PDE5A: variants seen among roughly 807,000 people sequenced by gnomAD.
PDE5A encodes the protein phosphodiesterase 5A.
PDE5A carries 67 observed loss-of-function variants against 110.2 expected under a neutral mutation model. The observed-to-expected ratio is 0.61, with a 90% CI of 0.50 to 0.75. The LOEUF (loss-of-function observed/expected upper bound fraction) is 0.75, where lower values mean the gene tolerates loss of function less well. PDE5A is among the 30% of genes least tolerant of loss of function. The pLI is 0.00. For synonymous variants in PDE5A, 328 were observed against 351.2 expected (o/e 0.93, Z 0.74); for missense variants, 862 against 1,045.1 (o/e 0.82, Z 2.42).
chr4:119,574,178 G>GATT (rs1352093191), intron 3 of PDE5A, among the ~76,000 whole-genome samples: 1 of 68,904 alleles, frequency 1.5e-5, no homozygotes, highest in African/African-American at 5.1e-5. Flanking sequence ...CAAAATATAG[G>GATT]CTTTTTTTTT....
At chr4:119,500,991 T>G (rs755712342) in intron 20 of PDE5A, 179 bp downstream of exon 20, 1 of 572,388 alleles carries the variant, frequency 1.7e-6, no homozygotes, top group Non-Finnish European at 3.1e-6. Flanking sequence ...TCAATAGATA[T>G]TAGTATGTGT....
intron 4 of PDE5A, among the ~76,000 whole-genome samples, chr4:119,566,201 T>A (rs564757256): frequency 6.6e-6 from 1 of 152,088 alleles, no homozygotes; most frequent in Admixed American, 6.6e-5. Flanking sequence ...TATTACTCGA[T>A]TTAAAAAGTA....
At chr4:119,565,475 T>C (rs1270922549) in intron 4 of PDE5A, 65 bp from the exon 5 acceptor site, 5 of 1,008,502 alleles carry the variant, frequency 5.0e-6, no homozygotes, top group African/African-American at 1.6e-5. Context: ...TTGCCTGAAA[T>C]ACAGATCCTC....
At chr4:119,580,131 CCCA>C (rs1362151624) in intron 3 of PDE5A, among the ~76,000 whole-genome samples, 2 of 152,144 alleles carry the variant, frequency 1.3e-5, no homozygotes, top group African/African-American at 2.4e-5. Context: ...GGGGTTCTTC[CCCA>C]CGAGGGAATG....
intron 9 of PDE5A, among the ~76,000 whole-genome samples, chr4:119,548,045 T>TTA (rs34825792): frequency 1.0e-3 from 8 of 7,864 alleles, no homozygotes; most frequent in Non-Finnish European, 1.8e-3. Flanking sequence ...TCTCCGTGTA[T>TTA]TTTTTTTTTT....
At chr4:119,555,155 G>A (rs532767211) in intron 7 of PDE5A, among the ~76,000 whole-genome samples, 2 of 151,722 alleles carry the variant, frequency 1.3e-5, no homozygotes, top group Non-Finnish European at 2.9e-5. Context: ...AAATATTTCA[G>A]TCTTCCCTTT....
intron 1 of PDE5A, among the ~76,000 whole-genome samples, chr4:119,624,848 C>T (rs1351200357): frequency 6.6e-6 from 1 of 152,162 alleles, no homozygotes; most frequent in African/African-American, 2.4e-5. Flanking sequence ...CTGAGGCCTT[C>T]AGGACTGCAA....
chr4:119,614,828 A>T (rs956450350), intron 1 of PDE5A, among the ~76,000 whole-genome samples: 2 of 152,148 alleles, frequency 1.3e-5, no homozygotes, highest in Admixed American at 1.3e-4. Context: ...TTCTAATCTC[A>T]GCATTTGTTA....
chr4:119,527,763 A>C (rs1372918222), intron 11 of PDE5A, among the ~76,000 whole-genome samples: 1 of 151,226 alleles, frequency 6.6e-6, no homozygotes, highest in Non-Finnish European at 1.5e-5. Flanking sequence ...TTATTATTGC[A>C]TTACGGTTTT....
At chr4:119,568,957 A>G (rs1480360499) in intron 3 of PDE5A, among the ~76,000 whole-genome samples, 1 of 152,142 alleles carries the variant, frequency 6.6e-6, no homozygotes, top group African/African-American at 2.4e-5. Context: ...ATGATCACTA[A>G]TCAAACTATA....
chr4:119,538,489 G>C (rs1173086008), intron 11 of PDE5A, among the ~76,000 whole-genome samples: 1 of 152,052 alleles, frequency 6.6e-6, no homozygotes, highest in African/African-American at 2.4e-5. Flanking sequence ...TTCTCTCATT[G>C]TATGCTAAAT....
rs200749724 is a variant in PDE5A at position 119,495,396 on chromosome 4, A to G, written c.*3205T>C. Reference sequence around the variant, plus strand: ...TTTTGACTACAGTTGTTCATAAGAGAGGATAACGATGACATTTTGTATCCT... The same window carrying G: ...TTTTGACTACAGTTGTTCATAAGAGGGGATAACGATGACATTTTGTATCCT... On this transcript the variant is annotated 3_prime_UTR_variant, in exon 21 of 21. Transcript: ENST00000354960. The G allele has an allele frequency of 1.6e-4, 25 of 152,366 alleles. No homozygotes were observed. Among genetic ancestry groups the G allele is most frequent in the African/African-American group, 6.0e-4 (25 of 41,558 alleles). The allele number at this position is 152,366 out of a possible 1,614,324, so 9.4% of individuals were successfully genotyped here. A position where few individuals can be genotyped will look rare whatever the true frequency, so the allele number is the denominator to read the frequency against.
intron 19 of PDE5A, among the ~76,000 whole-genome samples, chr4:119,502,093 T>C (rs940313795): frequency 3.9e-5 from 6 of 152,142 alleles, no homozygotes; most frequent in African/African-American, 1.2e-4. Flanking sequence ...CATGTTTCTT[T>C]TGGTATCTCT....
Position 119,496,220 on chromosome 4 carries a change from G to C in PDE5A, c.*2381C>G, listed in dbSNP as rs1299839163. 1 of 152,088 alleles carries C rather than the reference G, an allele frequency of 6.6e-6. No homozygotes were observed. The highest frequency in any genetic ancestry group is 1.5e-5 in the Non-Finnish European group (1 of 67,996). The allele number at this position is 152,088 out of a possible 1,614,324, so 9.4% of individuals were successfully genotyped here. On this transcript the variant is annotated 3_prime_UTR_variant, in exon 21 of 21. Transcript: ENST00000354960. ...TAAACAAACAAAAAATCTAGAACAA[G>C]AACTTCTTGCTAGTTATGGGTAATA... is the stretch of plus-strand genomic sequence containing the variant.
chr4:119,541,447 TG>T (rs1376236883), intron 10 of PDE5A, among the ~76,000 whole-genome samples: 1 of 151,948 alleles, frequency 6.6e-6, no homozygotes, highest in East Asian at 1.9e-4. Context: ...TGTGTATATG[TG>T]TACATATATA....
At chr4:119,620,421 T>A (rs1328678684) in intron 1 of PDE5A, among the ~76,000 whole-genome samples, 1 of 152,230 alleles carries the variant, frequency 6.6e-6, no homozygotes, top group Non-Finnish European at 1.5e-5. Flanking sequence ...ACAAAATATT[T>A]TGTAATTTTC....
intron 2 of PDE5A, among the ~76,000 whole-genome samples, chr4:119,600,740 C>G (rs1729317000): frequency 6.6e-6 from 1 of 152,094 alleles, no homozygotes; most frequent in African/African-American, 2.4e-5. Flanking sequence ...GAAGGCAAAA[C>G]TCTCTCTTAC....
chr4:119,530,490 T>G (rs1361576221), intron 11 of PDE5A, among the ~76,000 whole-genome samples: 12 of 152,142 alleles, frequency 7.9e-5, no homozygotes, highest in Non-Finnish European at 1.5e-4. Flanking sequence ...TTGAGACATA[T>G]GAAAAGATCT....
intron 3 of PDE5A, among the ~76,000 whole-genome samples, chr4:119,586,443 A>G (rs983292480): frequency 1.3e-5 from 2 of 152,230 alleles, no homozygotes; most frequent in African/African-American, 4.8e-5. Flanking sequence ...CAGGGTATTT[A>G]ACACTTGATA....
Sources: gnomAD v4.1 joint callset for allele counts (sites outside exome capture counted in the v4.1 genomes callset) on GRCh38, gnomAD v4.1.1 for gene constraint, MANE v1.5 for transcripts, NCBI Gene and HGNC (gene_info 2026-07-23, HGNC 2026-07-21) for gene names.